DDHD2: variants seen among roughly 807,000 people sequenced by gnomAD.
DDHD2 encodes triacylglycerol hydrolase DDHD2.
A neutral mutation model predicts 91.2 loss-of-function variants in DDHD2; 62 were observed. That is an observed-to-expected ratio of 0.68 (90% CI 0.55 to 0.84). DDHD2 has a LOEUF of 0.84. DDHD2 is among the 40% of genes least tolerant of loss of function. The pLI is 0.00. For missense variants in DDHD2, 740 were observed against 846.9 expected (o/e 0.87, Z 1.57); for synonymous variants, 271 against 293.9 (o/e 0.92, Z 0.80).
Position 38,249,182 on chromosome 8 carries a change from G to A in DDHD2, c.1249-526G>A, listed in dbSNP as rs900379870. 5.3e-5 allele frequency among the ~76,000 whole-genome samples: 8 copies of A among 151,430 alleles called. No individual in the cohort carries two copies. In the South Asian group the frequency reaches 1.7e-3, roughly 32 times the overall value. On this transcript the variant is annotated intron_variant, in intron 10 of 17. Coordinates refer to ENST00000397166, the MANE Select transcript of DDHD2 (RefSeq NM_015214.3). The stretch of plus-strand genomic sequence containing the variant: ...GGCTGGAGTGCAGTGGCGCGATCTC[G>A]GCTCACTGCAAGCTCTGCCTTCCGG...
intron 14 of DDHD2, 21 bp downstream of exon 14, chr8:38,252,845 T>C (rs1166685306): frequency 1.2e-6 from 2 of 1,611,048 alleles, no homozygotes; most frequent in Non-Finnish European, 8.5e-7. Flanking sequence ...GCATAGAACT[T>C]GATAATTCTA....
At chr8:38,268,544 C>T in intron 1 of DDHD2, 1 of 1,527,394 alleles carries the variant, frequency 6.5e-7, no homozygotes, top group Non-Finnish European at 8.8e-7. Flanking sequence ...TGTGACACAG[C>T]AGGACTCACT....
intron 3 of DDHD2, among the ~76,000 whole-genome samples, chr8:38,237,115 C>T (rs1190366612): frequency 2.0e-5 from 3 of 152,028 alleles, no homozygotes; most frequent in Non-Finnish European, 4.4e-5. Flanking sequence ...GTGGCTCATG[C>T]TTGTAATCCC....
At chr8:38,239,263 A>G (rs907120599) in intron 5 of DDHD2, among the ~76,000 whole-genome samples, 3 of 150,244 alleles carry the variant, frequency 2.0e-5, no homozygotes, top group Non-Finnish European at 4.4e-5. Context: ...AGTCTCAGCT[A>G]TTTTGGAGGC....
chr8:38,271,417 C>A (rs1218955846), downstream of DDHD2: 2 of 151,908 alleles, frequency 1.3e-5, no homozygotes, highest in Admixed American at 6.6e-5. Context: ...TTACCCTTTA[C>A]CAGGAGAAAG....
In DDHD2 at chr8:38,234,529, G is replaced by T; in HGVS notation, c.356G>T (p.Gly119Val). The change falls in exon 3 of 18, where the codon GGG becomes GTG. Residue 119 changes from glycine (G) to valine (V), a missense_variant. Gly to Val is a moderately radical substitution (Grantham distance 109, BLOSUM62 -3). Transcript: ENST00000397166. ...AGACGATGTACGTGGTTTTACAAGGGGGACAAAGACAATAAGTATGTTCCC... is the reference window on the plus strand; with the variant it reads ...AGACGATGTACGTGGTTTTACAAGGTGGACAAAGACAATAAGTATGTTCCC... ...EVRRCTWFYKGDKDNKYVPYS... is the reference protein window; with the variant it reads ...EVRRCTWFYKVDKDNKYVPYS... The T allele has an allele frequency of 6.2e-7, 1 of 1,612,986 alleles. No individual in the cohort carries two copies. The highest frequency in any genetic ancestry group is 2.2e-5 in the East Asian group (1 of 44,780).
downstream of DDHD2, chr8:38,266,979 C>G: frequency 6.5e-6 from 8 of 1,222,516 alleles, no homozygotes; most frequent in Non-Finnish European, 8.5e-6. Flanking sequence ...CACATAGAAA[C>G]TCTTCGTTAA....
At chr8:38,255,782 CT>C in intron 16 of DDHD2, among the ~76,000 whole-genome samples, 1 of 151,836 alleles carries the variant, frequency 6.6e-6, no homozygotes, top group East Asian at 1.9e-4. Context: ...TTCAGGTTTC[CT>C]TTTCTTTTGC....
intron 1 of DDHD2, chr8:38,269,200 C>T (rs1045259019): frequency 1.3e-6 from 2 of 1,499,434 alleles, no homozygotes; most frequent in East Asian, 2.8e-5. Context: ...CCTTCCCCAT[C>T]CGGCCGCGAG....
rs574887982 is a variant in DDHD2 at position 38,236,593 on chromosome 8, G to A, written c.412-945G>A. Among the ~76,000 whole-genome samples the A allele has an allele frequency of 3.7e-4, 56 of 151,736 alleles. 2 individuals carry two copies. The South Asian group carries it at 4.8e-3, about 13-fold the overall frequency. ...TGTAGTGGCGCGATCTCAGCTCACC[G>A]CAACCTCTGCCTCCTGGGTTCAAGC... On this transcript the variant is annotated intron_variant, in intron 3 of 17. Coordinates refer to ENST00000397166, the MANE Select transcript of DDHD2 (RefSeq NM_015214.3).
downstream of DDHD2, chr8:38,265,425 C>G (rs1032586772): frequency 6.6e-6 from 1 of 152,344 alleles, no homozygotes; most frequent in African/African-American, 2.4e-5. Context: ...TCCCAAGTAG[C>G]TGGGATTAAA....
intron 7 of DDHD2, among the ~76,000 whole-genome samples, chr8:38,243,123 C>T (rs898683134): frequency 1.3e-5 from 2 of 152,062 alleles, no homozygotes; most frequent in South Asian, 2.1e-4. Flanking sequence ...TGGTGGGGTC[C>T]GGATTCTTCA....
chr8:38,270,882 C>T (rs1808445745), intron 1 of DDHD2: 1 of 152,180 alleles, frequency 6.6e-6, no homozygotes, highest in Non-Finnish European at 1.5e-5. Context: ...CACAAGCACC[C>T]AAACTTGTCA....
intron 5 of DDHD2, 106 bp from the exon 6 acceptor site, chr8:38,240,169 C>G (rs1231104258): frequency 1.9e-6 from 1 of 528,164 alleles, no homozygotes; most frequent in Admixed American, 3.1e-5. Context: ...TTTAAATTAT[C>G]TGTTCATCTT....
At chr8:38,247,685 A>C in intron 9 of DDHD2, 28 bp from the exon 10 acceptor site, 1 of 1,414,960 alleles carries the variant, frequency 7.1e-7, no homozygotes, top group Non-Finnish European at 9.5e-7. Context: ...GAATTTCAAG[A>C]ATATGAGCTT....
At position 38,249,770 on chromosome 8, in the gene DDHD2, A is replaced by G; in HGVS notation, c.1311A>G (p.Ile437Met). The change falls in exon 11 of 18, where the codon ATA becomes ATG. Residue 437 changes from isoleucine (I) to methionine (M), a missense_variant. Physicochemically the swap from Ile to Met is conservative, Grantham distance 10. Transcript: ENST00000397166. ...IGIPLGPRKK[I>M]LNYFSTRKNS... ...TTCCTTTAGGACCAAGAAAGAAGAT[A>G]TTAAACTATTTCAGCACCAGAAAAA... is the stretch of plus-strand genomic sequence containing the variant. The G allele has an allele frequency of 1.2e-6, 2 of 1,612,156 alleles. No homozygotes were observed. Among genetic ancestry groups the G allele is most frequent in the African/African-American group, 1.3e-5 (1 of 75,012 alleles).
chr8:38,233,312 A>G, intron 2 of DDHD2, 98 bp downstream of exon 2: 1 of 859,892 alleles, frequency 1.2e-6, no homozygotes. Flanking sequence ...ACCAAATTTT[A>G]GATTTTTCCA....
At chr8:38,243,078 C>T (rs1419720943) in intron 7 of DDHD2, among the ~76,000 whole-genome samples, 11 of 152,158 alleles carry the variant, frequency 7.2e-5, no homozygotes, top group African/African-American at 2.4e-4. Flanking sequence ...TCTCAGTACC[C>T]TGTGATTTGG....
downstream of DDHD2, chr8:38,264,561 G>T: frequency 6.3e-7 from 1 of 1,587,442 alleles, no homozygotes; most frequent in Non-Finnish European, 8.6e-7. Flanking sequence ...GCCGATAGCA[G>T]ACATAGGCAA....
Sources: gnomAD v4.1 joint callset for allele counts (sites outside exome capture counted in the v4.1 genomes callset) on GRCh38, gnomAD v4.1.1 for gene constraint, MANE v1.5 for transcripts, NCBI Gene and HGNC (gene_info 2026-07-23, HGNC 2026-07-21) for gene names.